The following THOC2 variants were observed in gnomAD, a reference collection of about 807,000 sequenced individuals.
THOC2 encodes the protein THO complex subunit 2.
A neutral mutation model predicts 128.4 loss-of-function variants in THOC2; 10 were observed. That is an observed-to-expected ratio of 0.08 (90% CI 0.05 to 0.13). THOC2 has a LOEUF of 0.13. THOC2 is among the 10% of genes least tolerant of loss of function. THOC2 has a pLI of 1.00. For missense variants in THOC2, 535 were observed against 1,155.7 expected (o/e 0.46, Z 7.79); for synonymous variants, 393 against 396.9 (o/e 0.99, Z 0.12).
At chrX:123,670,933 T>C (rs763900557) in intron 9 of THOC2, among the ~76,000 whole-genome samples, 2 of 112,178 alleles carry the variant, frequency 1.8e-5, no homozygotes, top group East Asian at 5.6e-4. Context: ...GCAATGATGT[T>C]AATAAAGTGA....
At chrX:123,727,873 CTG>C (rs1214670017) in intron 1 of THOC2, among the ~76,000 whole-genome samples, 2 of 112,839 alleles carry the variant, frequency 1.8e-5, no homozygotes, top group Non-Finnish European at 3.7e-5. Flanking sequence ...GTATGGAAAA[CTG>C]AATAAAATGT....
chrX:123,696,412 T>C (rs2050449976), intron 6 of THOC2, among the ~76,000 whole-genome samples: 1 of 111,383 alleles, frequency 9.0e-6, no homozygotes, highest in Non-Finnish European at 1.9e-5. Flanking sequence ...CAATAACATA[T>C]CACCATTTCC....
intron 7 of THOC2, among the ~76,000 whole-genome samples, chrX:123,688,684 A>G (rs977851049): frequency 3.6e-5 from 4 of 110,919 alleles, no homozygotes; most frequent in Non-Finnish European, 7.5e-5. Context: ...GAAGAAGCAA[A>G]TTGAGGGGGA....
intron 8 of THOC2, among the ~76,000 whole-genome samples, chrX:123,683,221 C>CGGAGCTTTGTGGATTTG (rs1202300550): frequency 2.7e-5 from 3 of 111,073 alleles, no homozygotes; most frequent in Non-Finnish European, 5.7e-5. Context: ...TTTTGGATTT[C>CGGAGCTTTGTGGATTTG]GGAGCTTTGT....
chrX:123,611,424 A>G lies in THOC2; in HGVS notation c.4754+16T>C, dbSNP rs1191787393. On this transcript the variant is annotated intron_variant, in intron 37 of 38. Transcript: ENST00000245838. Reference sequence around the variant, plus strand: ...TTCTACTACACTAACTGAAAACATCAAAATGAAAAGGATATTGTTTCTTCT... The same window carrying G: ...TTCTACTACACTAACTGAAAACATCGAAATGAAAAGGATATTGTTTCTTCT... The G allele has an allele frequency of 8.6e-7, 1 of 1,168,181 alleles. No homozygotes were observed. Among genetic ancestry groups the G allele is most frequent in the Non-Finnish European group, 1.2e-6 (1 of 860,444 alleles).
At chrX:123,699,028 G>T (rs758529456) in intron 4 of THOC2, among the ~76,000 whole-genome samples, 6 of 111,439 alleles carry the variant, frequency 5.4e-5, no homozygotes, top group Admixed American at 9.5e-5. Context: ...CTGATCTGAA[G>T]TGTGGAAGAA....
intron 30 of THOC2, 59 bp downstream of exon 30, chrX:123,622,699 A>T: frequency 1.1e-6 from 1 of 898,031 alleles, no homozygotes; most frequent in Non-Finnish European, 1.6e-6. Flanking sequence ...TCAAAAAAAT[A>T]CATAAAAATC....
At chrX:123,682,657 T>C (rs961996988) in intron 8 of THOC2, among the ~76,000 whole-genome samples, 3 of 112,009 alleles carry the variant, frequency 2.7e-5, no homozygotes, top group African/African-American at 9.7e-5. Flanking sequence ...GCTCTGTATT[T>C]TTCCCCATCT....
chrX:123,664,631 G>A lies in THOC2; in HGVS notation c.1386+1011C>T, dbSNP rs990468173. On this transcript the variant is annotated intron_variant, in intron 12 of 38. Transcript: ENST00000245838. Reference sequence around the variant, plus strand: ...GCTCAACACTGGCCATCAGAGAAACGCAAATCAAAACCACAATGAGATACC... The same window carrying A: ...GCTCAACACTGGCCATCAGAGAAACACAAATCAAAACCACAATGAGATACC... 7.1e-5 allele frequency among the ~76,000 whole-genome samples: 8 copies of A among 112,024 alleles called. 1 individual carries two copies. The Middle Eastern group carries it at 0.018, about 258-fold the overall frequency.
At chrX:123,712,185 C>A (rs897376418) in intron 2 of THOC2, among the ~76,000 whole-genome samples, 4 of 110,323 alleles carry the variant, frequency 3.6e-5, no homozygotes, top group African/African-American at 1.3e-4. Flanking sequence ...GGGTTTTACC[C>A]CCAACAATAC....
In THOC2 at chrX:123,723,607, T is replaced by TA. The variant is rs912983646; in HGVS notation, c.71+9344dup. 7.0e-4 allele frequency among the ~76,000 whole-genome samples: 71 copies of TA among 101,290 alleles called. 1 individual carries two copies. The highest frequency in any genetic ancestry group is 1.8e-3 in the African/African-American group (49 of 27,950). The allele number at this position is 101,290 out of a possible 115,157, so 88.0% of individuals were successfully genotyped here. A position where few individuals can be genotyped will look rare whatever the true frequency, so the allele number is the denominator to read the frequency against. On this transcript the variant is annotated intron_variant, in intron 1 of 38. Transcript: ENST00000245838. ...CTTGCAACTATGAAAATGAATGAAC[T>TA]AAAAAAAAAAGGAAAATCAATGAAC... is the stretch of plus-strand genomic sequence containing the variant.
At position 123,632,850 on chromosome X, in the gene THOC2, C is replaced by T. The variant is rs2047538700; in HGVS notation, c.2316+11G>A. 1 of 1,195,394 alleles carries T rather than the reference C, an allele frequency of 8.4e-7. No homozygotes were observed. The highest frequency in any genetic ancestry group is 1.1e-6 in the Non-Finnish European group (1 of 882,476). ...AACATGTACATAAACATAAAAGCCA[C>T]TTTAACTTGCCTGGTCATAGAGCTT... On this transcript the variant is annotated intron_variant, in intron 21 of 38. Coordinates refer to ENST00000245838, the MANE Select transcript of THOC2 (RefSeq NM_001081550.2).
chrX:123,614,424 G>T lies in THOC2; in HGVS notation c.4312-235C>A, dbSNP rs145147426. ...ATCAGTTCATTTGTGCCTCAACTGA[G>T]ACTCATTAGTAAATTCACAAGCTAG... On this transcript the variant is annotated intron_variant, in intron 33 of 38. Transcript: ENST00000245838. 5.6e-3 allele frequency among the ~76,000 whole-genome samples: 613 copies of T among 109,989 alleles called. 4 individuals are homozygous for T. Among genetic ancestry groups the T allele is most frequent in the Middle Eastern group, 0.019 (4 of 210 alleles).
intron 7 of THOC2, among the ~76,000 whole-genome samples, chrX:123,690,581 A>G (rs1263056507): frequency 9.0e-6 from 1 of 111,518 alleles, no homozygotes; most frequent in Non-Finnish European, 1.9e-5. Flanking sequence ...CAAACTGACA[A>G]TGACTGTTGT....
At chrX:123,642,213 C>G (rs1435790450) in intron 15 of THOC2, among the ~76,000 whole-genome samples, 1 of 111,396 alleles carries the variant, frequency 9.0e-6, no homozygotes, top group Non-Finnish European at 1.9e-5. Flanking sequence ...ATCACAAGGT[C>G]AGGAGTTCGA....
intron 1 of THOC2, among the ~76,000 whole-genome samples, chrX:123,732,499 C>G (rs766966688): frequency 8.9e-6 from 1 of 112,088 alleles, no homozygotes; most frequent in African/African-American, 3.2e-5. Flanking sequence ...CCTTGGACTT[C>G]AGGCAGAGGA....
At position 123,673,602 on chromosome X, in the gene THOC2, T is replaced by C. The variant is rs765945087; in HGVS notation, c.769-1841A>G. 2.7e-5 allele frequency among the ~76,000 whole-genome samples: 3 copies of C among 111,848 alleles called. No individual in the cohort carries two copies. In the South Asian group the frequency reaches 1.1e-3, roughly 42 times the overall value. On this transcript the variant is annotated intron_variant, in intron 8 of 38. Coordinates refer to ENST00000245838, the MANE Select transcript of THOC2 (RefSeq NM_001081550.2). The stretch of plus-strand genomic sequence containing the variant: ...ACTGTTATGCACAATCCCTGTTCTG[T>C]CCCATCATACCTTTCCACATCCTTG...
chrX:123,676,338 C>A (rs771594065), intron 8 of THOC2, among the ~76,000 whole-genome samples: 1 of 112,073 alleles, frequency 8.9e-6, no homozygotes, highest in Non-Finnish European at 1.9e-5. Context: ...CCCAAAAACA[C>A]AATTCTTTGC....
At chrX:123,664,020 G>C (rs2048953409) in intron 12 of THOC2, among the ~76,000 whole-genome samples, 1 of 111,877 alleles carries the variant, frequency 8.9e-6, no homozygotes, top group South Asian at 3.7e-4. Context: ...GTCTATCATT[G>C]ATGGACATTT....
Sources: allele counts gnomAD v4.1 joint callset (sites outside exome capture counted in the v4.1 genomes callset), GRCh38; gene constraint gnomAD v4.1.1; transcripts MANE v1.5; gene names NCBI Gene and HGNC (gene_info 2026-07-23, HGNC 2026-07-21).